DSTN: variants seen among roughly 807,000 people sequenced by gnomAD.
The protein encoded by DSTN is destrin, actin depolymerizing factor.
DSTN carries 10 observed loss-of-function variants against 16.8 expected under a neutral mutation model. That is an observed-to-expected ratio of 0.60 (90% CI 0.37 to 1.01). DSTN has a LOEUF of 1.01. Among genes scored for constraint, DSTN ranks in the 50% least tolerant of loss-of-function variants. DSTN has a pLI of 0.01. For synonymous variants in DSTN, 57 were observed against 58.9 expected, an observed-to-expected ratio of 0.97 and a Z score of 0.14; for missense variants, 141 against 196.7, an observed-to-expected ratio of 0.72 and a Z score of 1.69.
At chr20:17,580,851 AGCTAT>A (rs2035335752) in intron 1 of DSTN, among the ~76,000 whole-genome samples, 1 of 152,220 alleles carries the variant, frequency 6.6e-6, no homozygotes, top group African/African-American at 2.4e-5. Context: ...ATAAAGAGCT[AGCTAT>A]GTGAAGAGCA....
At chr20:17,592,580 C>G (rs183283274) in intron 1 of DSTN, among the ~76,000 whole-genome samples, 1 of 134,074 alleles carries the variant, frequency 7.5e-6, no homozygotes, top group Non-Finnish European at 1.6e-5. Flanking sequence ...TATACTATAC[C>G]TTGTGGGTTT....
chr20:17,570,247 G>T (rs1302580255), intron 1 of DSTN, 36 bp downstream of exon 1: 4 of 1,484,968 alleles, frequency 2.7e-6, no homozygotes, highest in East Asian at 2.8e-5. Context: ...GGGCCGAGGC[G>T]GCCGGGAGCA....
chr20:17,572,921 C>A (rs1344025612), intron 1 of DSTN, among the ~76,000 whole-genome samples: 1 of 152,190 alleles, frequency 6.6e-6, no homozygotes, highest in Non-Finnish European at 1.5e-5. Context: ...TCTTCCTCAT[C>A]CCACTCCCTT....
intron 1 of DSTN, among the ~76,000 whole-genome samples, chr20:17,570,553 C>A (rs2035189186): frequency 6.6e-6 from 1 of 152,050 alleles, no homozygotes. Flanking sequence ...GAAATCCATC[C>A]GGGGGTCTGC....
chr20:17,596,855 T>C (rs2035532012), intron 1 of DSTN: 2 of 960,086 alleles, frequency 2.1e-6, no homozygotes, highest in Admixed American at 6.2e-5. Context: ...ACATTTACTT[T>C]GTTTTTGATT....
At chr20:17,575,089 C>G (rs2035263585) in intron 1 of DSTN, among the ~76,000 whole-genome samples, 1 of 151,978 alleles carries the variant, frequency 6.6e-6, no homozygotes, top group Non-Finnish European at 1.5e-5. Context: ...AAACAATCTT[C>G]CCGCTTTGGC....
intron 1 of DSTN, among the ~76,000 whole-genome samples, chr20:17,584,799 A>G (rs1413426522): frequency 6.6e-6 from 1 of 152,214 alleles, no homozygotes; most frequent in African/African-American, 2.4e-5. Context: ...TTGAGATTAT[A>G]CTGTACATGT....
At chr20:17,573,102 G>C (rs931651796) in intron 1 of DSTN, among the ~76,000 whole-genome samples, 2 of 152,208 alleles carry the variant, frequency 1.3e-5, no homozygotes, top group African/African-American at 2.4e-5. Flanking sequence ...ACACAAAACG[G>C]TGGGGTGGAT....
intron 1 of DSTN, among the ~76,000 whole-genome samples, chr20:17,579,004 A>G (rs1415838349): frequency 6.6e-6 from 1 of 150,416 alleles, no homozygotes; most frequent in Admixed American, 6.6e-5. Flanking sequence ...GCTGTCTTAC[A>G]TTAACTTATA....
At position 17,609,179 on chromosome 20, in the gene DSTN, TCTTTA is replaced by T. The variant is rs2035673274; in HGVS notation, c.*2038_*2042del. ...TGTCATTCATCCTGAATTGCTTGTTTCTTTACTTTGTAGCAATGCTTTTAGTGTGG... is the reference window on the plus strand; with the variant it reads ...TGTCATTCATCCTGAATTGCTTGTTTCTTTGTAGCAATGCTTTTAGTGTGG... On this transcript the variant is annotated 3_prime_UTR_variant, in exon 4 of 4. Transcript: ENST00000246069. 1.3e-5 allele frequency: 2 copies of T among 152,234 alleles called. No individual in the cohort carries two copies. The highest frequency in any genetic ancestry group is 6.5e-5 in the Admixed American group (1 of 15,282). 9.4% of individuals were successfully genotyped at this position (152,234 alleles called of 1,614,324 possible).
intron 1 of DSTN, among the ~76,000 whole-genome samples, chr20:17,572,455 A>G (rs900164499): frequency 6.6e-6 from 1 of 152,224 alleles, no homozygotes; most frequent in Non-Finnish European, 1.5e-5. Context: ...GAGACATCAC[A>G]CCTAGACTTG....
In DSTN at chr20:17,600,724, T is replaced by A; in HGVS notation, c.4-14T>A. On this transcript the variant is annotated splice_polypyrimidine_tract_variant and intron_variant, in intron 1 of 3. Transcript: ENST00000246069. Reference sequence around the variant, plus strand: ...AAATTGTAAGTCTTTTTCTCATGTATTTTCTCATCATAGGCCTCAGGAGTG... The same window carrying A: ...AAATTGTAAGTCTTTTTCTCATGTAATTTCTCATCATAGGCCTCAGGAGTG... 1 of 1,556,888 alleles carries A rather than the reference T, an allele frequency of 6.4e-7. No individual in the cohort carries two copies. The highest frequency in any genetic ancestry group is 8.7e-7 in the Non-Finnish European group (1 of 1,154,754).
chr20:17,570,171 G>A lies in DSTN; in HGVS notation c.-38G>A. ...CGGTCTGCATACTCGCTGCCCGCCG[G>A]CTCCCTCCCCCGCGTCCCTGCGACC... is the stretch of plus-strand genomic sequence containing the variant. On this transcript the variant is annotated 5_prime_UTR_variant, in exon 1 of 4. Transcript: ENST00000246069. 2 of 1,518,814 alleles carry A rather than the reference G, an allele frequency of 1.3e-6. No individual in the cohort carries two copies. 94.1% of individuals were successfully genotyped at this position (1,518,814 alleles called of 1,614,324 possible).
Position 17,593,963 on chromosome 20 carries a change from T to C in DSTN, c.4-6775T>C, listed in dbSNP as rs1263347366. Among the ~76,000 whole-genome samples the C allele has an allele frequency of 2.0e-5, 3 of 151,964 alleles. No homozygotes were observed. The South Asian group carries it at 6.2e-4, about 32-fold the overall frequency. On this transcript the variant is annotated intron_variant, in intron 1 of 3. Transcript: ENST00000246069. ...TGGGCATGGTGGCACGTGCTTATAG[T>C]CCCAGTACTCAGGAAGCTGAGGTGG...
chr20:17,579,785 A>G (rs1346399131), intron 1 of DSTN, among the ~76,000 whole-genome samples: 1 of 152,234 alleles, frequency 6.6e-6, no homozygotes, highest in African/African-American at 2.4e-5. Flanking sequence ...TTATCCTTCA[A>G]GGGCCAGCTC....
At chr20:17,592,415 G>C (rs572023750) in intron 1 of DSTN, among the ~76,000 whole-genome samples, 11 of 137,580 alleles carry the variant, frequency 8.0e-5, no homozygotes, top group Admixed American at 2.2e-4. Context: ...GGATGACACA[G>C]AGAGACCTTG....
At chr20:17,600,468 C>T (rs2035574234) in intron 1 of DSTN, among the ~76,000 whole-genome samples, 1 of 152,122 alleles carries the variant, frequency 6.6e-6, no homozygotes, top group African/African-American at 2.4e-5. Flanking sequence ...TTAGGAAACA[C>T]TTCTTTTAAG....
intron 1 of DSTN, 82 bp downstream of exon 1, chr20:17,570,293 G>T (rs1010750186): frequency 2.9e-6 from 4 of 1,388,614 alleles, no homozygotes; most frequent in South Asian, 1.6e-5. Context: ...CGGGGCTAAG[G>T]GGGTGAGCCG....
chr20:17,571,753 A>G (rs1454162369), intron 1 of DSTN, among the ~76,000 whole-genome samples: 2 of 152,212 alleles, frequency 1.3e-5, no homozygotes, highest in Non-Finnish European at 2.9e-5. Flanking sequence ...GTTTGAAAAT[A>G]AGAGACCAAA....
Sources: allele counts gnomAD v4.1 joint callset (sites outside exome capture counted in the v4.1 genomes callset), GRCh38; gene constraint gnomAD v4.1.1; transcripts MANE v1.5; gene names NCBI Gene and HGNC (gene_info 2026-07-23, HGNC 2026-07-21).